GLB1: variants seen among roughly 807,000 people sequenced by gnomAD.
The protein encoded by GLB1 is beta-galactosidase.
In GLB1, 56 loss-of-function variants were observed where a neutral mutation model predicts 74.0. The observed-to-expected ratio is 0.76, with a 90% CI of 0.61 to 0.94. The LOEUF is 0.94. GLB1 is among the 40% of genes least tolerant of loss of function. GLB1 has a pLI of 0.00. For synonymous variants in GLB1, 323 were observed against 323.6 expected (o/e 1.00, Z 0.02); for missense variants, 787 against 845.5 (o/e 0.93, Z 0.86).
chr3:33,020,203 A>G lies in GLB1; in HGVS notation c.1233+1363T>C, dbSNP rs140117246. On this transcript the variant is annotated intron_variant, in intron 12 of 15. Coordinates refer to ENST00000307363, the MANE Select transcript of GLB1 (RefSeq NM_000404.4). ...AATGTGTGTGTGGTGGGGGGACTTA[A>G]TTATTCATTTTATTGCAAAATAGAA... 1.1e-4 allele frequency among the ~76,000 whole-genome samples: 16 copies of G among 152,298 alleles called. No homozygotes were observed. The East Asian group carries it at 3.1e-3, about 29-fold the overall frequency.
chr3:33,034,768 T>C (rs1698201070), intron 10 of GLB1: 2 of 653,428 alleles, frequency 3.1e-6, no homozygotes, highest in South Asian at 2.7e-5. Context: ...GCCAGGGCTC[T>C]GTGTCAGCTT....
chr3:32,994,920 C>CAAA (rs56169200), downstream of GLB1, among the ~76,000 whole-genome samples: 37 of 115,716 alleles, frequency 3.2e-4, no homozygotes, highest in Middle Eastern at 4.8e-3. Flanking sequence ...GACTCTGTTT[C>CAAA]AAAAAAAAAA....
chr3:33,022,092 A>G (rs1238644579), intron 11 of GLB1, among the ~76,000 whole-genome samples: 1 of 152,164 alleles, frequency 6.6e-6, no homozygotes, highest in Admixed American at 6.5e-5. Context: ...AATATTTAAT[A>G]CTTCCTAGTT....
chr3:32,993,149 T>C (rs1250367495), downstream of GLB1, among the ~76,000 whole-genome samples: 1 of 152,212 alleles, frequency 6.6e-6, no homozygotes, highest in Non-Finnish European at 1.5e-5. Context: ...ATTTGTGTCA[T>C]TTGACAGAAG....
At chr3:33,096,505 A>G (rs1701034186) in intron 1 of GLB1, 1 of 985,340 alleles carries the variant, frequency 1.0e-6, no homozygotes, top group African/African-American at 1.7e-5. Flanking sequence ...GAAAGGAACA[A>G]GATGCACGAA....
intron 10 of GLB1, among the ~76,000 whole-genome samples, chr3:33,042,871 C>T (rs1698563782): frequency 6.6e-6 from 1 of 152,200 alleles, no homozygotes. Flanking sequence ...AGCCTACAGC[C>T]ACCAAGCACC....
At chr3:33,065,665 T>C (rs1015706951) in intron 4 of GLB1, 108 bp from the exon 5 acceptor site, 1 of 1,359,278 alleles carries the variant, frequency 7.4e-7, no homozygotes, top group Non-Finnish European at 1.0e-6. Flanking sequence ...GTAAACTTTT[T>C]AAAAACATTC....
chr3:33,035,173 T>C (rs1456897170), intron 10 of GLB1, among the ~76,000 whole-genome samples: 3 of 152,154 alleles, frequency 2.0e-5, no homozygotes, highest in African/African-American at 7.2e-5. Context: ...TGCCCATGCC[T>C]GTAATGCCAG....
chr3:33,033,617 T>C (rs1698147556), intron 10 of GLB1, among the ~76,000 whole-genome samples: 1 of 150,192 alleles, frequency 6.7e-6, no homozygotes, highest in African/African-American at 2.4e-5. Flanking sequence ...ACCCCGTCTC[T>C]ACTAAAATAC....
At chr3:33,073,504 A>G (rs752070520) in intron 1 of GLB1, among the ~76,000 whole-genome samples, 3 of 151,952 alleles carry the variant, frequency 2.0e-5, no homozygotes, top group Non-Finnish European at 2.9e-5. Context: ...CCTGGCCAAC[A>G]TGGTGAAACC....
At chr3:32,984,941 CA>C in the GLB1 span, among the ~76,000 whole-genome samples, 9,963 of 127,338 alleles carry the variant, frequency 0.078, 364 homozygotes, top group African/African-American at 0.1. Context: ...GACTCTGTCT[CA>C]AAAAAAAAAA....
the GLB1 span, among the ~76,000 whole-genome samples, chr3:32,987,502 G>A: frequency 2.0e-5 from 3 of 152,188 alleles, no homozygotes; most frequent in Non-Finnish European, 4.4e-5. Flanking sequence ...TGGCTCTGCA[G>A]TAAGACAGAA....
the GLB1 span, among the ~76,000 whole-genome samples, chr3:32,990,340 A>T: frequency 6.6e-6 from 1 of 152,154 alleles, no homozygotes; most frequent in Non-Finnish European, 1.5e-5. Context: ...TGCTCACAGC[A>T]CTCTGATCTC....
chr3:33,038,309 A>G (rs1698369081), intron 10 of GLB1, among the ~76,000 whole-genome samples: 1 of 152,226 alleles, frequency 6.6e-6, no homozygotes, highest in Admixed American at 6.5e-5. Context: ...CAGATCTCAG[A>G]AAAATAATTT....
At chr3:32,984,023 G>A in the GLB1 span, among the ~76,000 whole-genome samples, 1 of 152,022 alleles carries the variant, frequency 6.6e-6, no homozygotes, top group African/African-American at 2.4e-5. Flanking sequence ...CCCAAGTTTA[G>A]GATAAATATA....
At chr3:33,034,662 C>A in intron 10 of GLB1, 2 of 731,692 alleles carry the variant, frequency 2.7e-6, no homozygotes, top group Non-Finnish European at 5.1e-6. Flanking sequence ...TCCATCACAG[C>A]CAACATATTG....
intron 5 of GLB1, chr3:33,061,792 G>A (rs1441791425): frequency 6.6e-6 from 1 of 152,164 alleles, no homozygotes; most frequent in African/African-American, 2.4e-5. Context: ...ATTATCAATG[G>A]CTTTAGCTTT....
the GLB1 span, among the ~76,000 whole-genome samples, chr3:32,983,851 T>TA: frequency 1.3e-5 from 2 of 148,914 alleles, no homozygotes; most frequent in African/African-American, 4.9e-5. Context: ...AGCTAATTTT[T>TA]AAATTTTTTT....
chr3:33,077,495 G>A (rs1575481767), intron 1 of GLB1: 1 of 725,242 alleles, frequency 1.4e-6, no homozygotes, highest in Non-Finnish European at 2.1e-6. Context: ...CTACTAAAAA[G>A]GGAACCTCCC....
Sources: gnomAD v4.1 joint callset for allele counts (sites outside exome capture counted in the v4.1 genomes callset) on GRCh38, gnomAD v4.1.1 for gene constraint, MANE v1.5 for transcripts, NCBI Gene and HGNC (gene_info 2026-07-23, HGNC 2026-07-21) for gene names.